The following PYY variants were observed in gnomAD, a reference collection of about 807,000 sequenced individuals.
PYY encodes peptide tyrosine tyrosine.
PYY carries 12 observed loss-of-function variants against 10.3 expected under a neutral mutation model. That is an observed-to-expected ratio of 1.17 (90% CI 0.75 to 1.89). The LOEUF (loss-of-function observed/expected upper bound fraction) is 1.89, where lower values mean the gene tolerates loss of function less well. Ranked by LOEUF, PYY falls within the 40% of genes most tolerant of loss-of-function variation. The pLI, the probability that PYY is intolerant of heterozygous loss-of-function variation, is 0.00. For synonymous variants in PYY, 66 were observed against 62.0 expected (o/e 1.06, Z -0.30); for missense variants, 141 against 134.0 (o/e 1.05, Z -0.26).
intron 1 of PYY, among the ~76,000 whole-genome samples, chr17:43,967,765 C>T (rs945899786): frequency 1.9e-4 from 29 of 151,938 alleles, no homozygotes; most frequent in Admixed American, 1.8e-3. Context: ...AGCGGGGAAA[C>T]GGGGGAAGAA....
chr17:43,976,229 A>G (rs1412762647), intron 1 of PYY, among the ~76,000 whole-genome samples: 1 of 144,750 alleles, frequency 6.9e-6, no homozygotes, highest in African/African-American at 2.6e-5. Flanking sequence ...ATACATATAT[A>G]CATATGCGTA....
intron 1 of PYY, among the ~76,000 whole-genome samples, chr17:43,981,427 A>G (rs2048882788): frequency 6.6e-6 from 1 of 152,028 alleles, no homozygotes; most frequent in South Asian, 2.1e-4. Context: ...GGGTGGTGGT[A>G]TCTCACTGTG....
At chr17:43,998,239 CCA>C in intron 1 of PYY, among the ~76,000 whole-genome samples, 1 of 91,950 alleles carries the variant, frequency 1.1e-5, no homozygotes, top group African/African-American at 4.1e-5. Context: ...ATGCCTGAAC[CCA>C]CAGATTTTTT....
intron 1 of PYY, among the ~76,000 whole-genome samples, chr17:43,997,301 A>G (rs1430893808): frequency 6.6e-6 from 1 of 152,040 alleles, no homozygotes; most frequent in African/African-American, 2.4e-5. Flanking sequence ...GGCCTCCCGA[A>G]GTGCTGAGAT....
chr17:43,961,225 CA>C (rs1360940335), intron 2 of PYY, among the ~76,000 whole-genome samples: 27 of 134,026 alleles, frequency 2.0e-4, no homozygotes, highest in South Asian at 2.4e-4. Flanking sequence ...AACCCCATCT[CA>C]AAAAAAAAAA....
At chr17:43,969,258 G>A (rs2048773385) in intron 1 of PYY, among the ~76,000 whole-genome samples, 1 of 151,904 alleles carries the variant, frequency 6.6e-6, no homozygotes, top group African/African-American at 2.4e-5. Context: ...GCTCACACCT[G>A]TAATCCCAGC....
chr17:43,963,731 G>A (rs1029678682), intron 2 of PYY, among the ~76,000 whole-genome samples: 4 of 152,086 alleles, frequency 2.6e-5, no homozygotes, highest in African/African-American at 7.2e-5. Context: ...ACTTTGGGAA[G>A]CCGAGGTGGG....
chr17:43,983,699 T>G (rs1243670250), intron 1 of PYY, among the ~76,000 whole-genome samples: 1 of 152,194 alleles, frequency 6.6e-6, no homozygotes, highest in African/African-American at 2.4e-5. Context: ...GGCCGGGTCT[T>G]AGGCGCACAT....
chr17:43,981,215 G>A (rs982819142), intron 1 of PYY, among the ~76,000 whole-genome samples: 2 of 152,046 alleles, frequency 1.3e-5, no homozygotes, highest in South Asian at 2.1e-4. Flanking sequence ...ATATACACAC[G>A]TCTGTTGAGT....
chr17:43,972,571 G>A (rs1628073), intron 1 of PYY, among the ~76,000 whole-genome samples: 115,495 of 151,448 alleles, frequency 0.76, 44,591 homozygotes, highest in East Asian at 1. Flanking sequence ...CTCAATCACC[G>A]AGGCTGGAAT....
At chr17:44,000,307 G>A (rs1467253325) in intron 1 of PYY, among the ~76,000 whole-genome samples, 2 of 152,198 alleles carry the variant, frequency 1.3e-5, no homozygotes, top group Non-Finnish European at 2.9e-5. Flanking sequence ...CAGGGTTTCT[G>A]TCACATGAGC....
intron 1 of PYY, among the ~76,000 whole-genome samples, chr17:44,000,545 C>T (rs1427910525): frequency 6.7e-6 from 1 of 149,520 alleles, no homozygotes; most frequent in African/African-American, 2.5e-5. Flanking sequence ...GCTGAGAATG[C>T]CTGAGAATGC....
chr17:43,963,708 G>A (rs1010323546), intron 2 of PYY, among the ~76,000 whole-genome samples: 1 of 151,958 alleles, frequency 6.6e-6, no homozygotes, highest in African/African-American at 2.4e-5. Flanking sequence ...GCTCACGCCT[G>A]TAATCCCCCA....
chr17:43,986,254 ACT>A (rs2048915295), intron 1 of PYY, among the ~76,000 whole-genome samples: 1 of 151,948 alleles, frequency 6.6e-6, no homozygotes, highest in Non-Finnish European at 1.5e-5. Flanking sequence ...CAAGAGCAAA[ACT>A]CTGTCTCAAA....
intron 1 of PYY, among the ~76,000 whole-genome samples, chr17:43,979,279 G>A (rs2048868107): frequency 6.6e-6 from 1 of 152,204 alleles, no homozygotes; most frequent in East Asian, 1.9e-4. Context: ...CCAGCAGTTG[G>A]AGTCTTATTA....
chr17:43,965,368 C>G (rs1421832663), intron 2 of PYY, among the ~76,000 whole-genome samples: 1 of 151,340 alleles, frequency 6.6e-6, no homozygotes, highest in Non-Finnish European at 1.5e-5. Context: ...ATAATCCCAG[C>G]TACTCAGGAG....
rs374044378 is a variant in PYY at position 43,985,547 on chromosome 17, C to T, written c.-463+18844G>A. Among the ~76,000 whole-genome samples the T allele has an allele frequency of 2.0e-3, 304 of 152,316 alleles. 5 individuals carry two copies. The highest frequency in any genetic ancestry group is 7.1e-3 in the African/African-American group (296 of 41,572). ...GGCCATGGCAAGTTCCCTCACAACA[C>T]AGTAACACCCTCACTGGTGAGACTG... On this transcript the variant is annotated intron_variant, in intron 1 of 6. Transcript: ENST00000360085.
At chr17:43,996,062 G>T (rs2048990452) in intron 1 of PYY, among the ~76,000 whole-genome samples, 1 of 152,114 alleles carries the variant, frequency 6.6e-6, no homozygotes, top group Non-Finnish European at 1.5e-5. Flanking sequence ...CTTGAGTCTG[G>T]TGGGCTTGTG....
chr17:43,997,649 C>T (rs1161757424), intron 1 of PYY, among the ~76,000 whole-genome samples: 1 of 152,188 alleles, frequency 6.6e-6, no homozygotes, highest in South Asian at 2.1e-4. Context: ...ATGGGACTCA[C>T]CTTTCAAAAA....
Sources: allele counts gnomAD v4.1 joint callset (sites outside exome capture counted in the v4.1 genomes callset), GRCh38; gene constraint gnomAD v4.1.1; transcripts MANE v1.5; gene names NCBI Gene and HGNC (gene_info 2026-07-23, HGNC 2026-07-21).